The following PLOD1 variants were observed in gnomAD, a reference collection of about 807,000 sequenced individuals.
PLOD1 encodes lysine hydroxylase.
A neutral mutation model predicts 94.7 loss-of-function variants in PLOD1; 70 were observed. That is an observed-to-expected ratio of 0.74 (90% CI 0.61 to 0.90). PLOD1 has a LOEUF of 0.90. PLOD1 is among the 40% of genes least tolerant of loss of function. The pLI is 0.00. For synonymous variants in PLOD1, 417 were observed against 400.2 expected, an observed-to-expected ratio of 1.04 and a Z score of -0.50; for missense variants, 905 against 972.7, an observed-to-expected ratio of 0.93 and a Z score of 0.93.
intron 1 of PLOD1, among the ~76,000 whole-genome samples, chr1:11,945,201 G>T (rs1334110575): frequency 6.6e-6 from 1 of 152,114 alleles, no homozygotes; most frequent in Non-Finnish European, 1.5e-5. Flanking sequence ...GCGCAGATTG[G>T]TTGAGGCTGG....
At chr1:11,938,503 CAGG>C (rs1423567099) in intron 1 of PLOD1, among the ~76,000 whole-genome samples, 3 of 152,158 alleles carry the variant, frequency 2.0e-5, no homozygotes, top group East Asian at 1.9e-4. Context: ...GCCAGCTGGA[CAGG>C]AGGACAGAGT....
intron 12 of PLOD1, 53 bp downstream of exon 12, chr1:11,964,353 C>T: frequency 1.3e-6 from 2 of 1,569,326 alleles, no homozygotes; most frequent in Non-Finnish European, 1.7e-6. Flanking sequence ...CTGGCTTCTG[C>T]CTGGGCTTGT....
chr1:11,968,787 A>AT (rs1277166052), intron 16 of PLOD1, among the ~76,000 whole-genome samples: 1 of 147,064 alleles, frequency 6.8e-6, no homozygotes. Context: ...AAGTGGTGGG[A>AT]TTACAGGCAT....
At chr1:11,940,211 C>T (rs1645606644) in intron 1 of PLOD1, among the ~76,000 whole-genome samples, 1 of 152,152 alleles carries the variant, frequency 6.6e-6, no homozygotes, top group African/African-American at 2.4e-5. Flanking sequence ...TTTGTAGAGA[C>T]AGGGTCTCAC....
intron 11 of PLOD1, 40 bp from the exon 12 acceptor site, chr1:11,964,135 G>C: frequency 2.5e-6 from 4 of 1,610,810 alleles, no homozygotes; most frequent in Non-Finnish European, 3.4e-6. Context: ...CCTACTCCCA[G>C]TGGGCAGCGA....
intron 1 of PLOD1, among the ~76,000 whole-genome samples, chr1:11,942,427 C>G (rs1247565255): frequency 6.6e-6 from 1 of 152,138 alleles, no homozygotes. Context: ...CAGGTTTGTA[C>G]CAATACGTCA....
At position 11,963,143 on chromosome 1, in the gene PLOD1, C is replaced by T. The variant is rs1373119738; in HGVS notation, c.1098-389C>T. Among the ~76,000 whole-genome samples the T allele has an allele frequency of 6.6e-6, 1 of 152,206 alleles. No individual in the cohort carries two copies. The highest frequency in any genetic ancestry group is 2.4e-5 in the African/African-American group (1 of 41,438). On this transcript the variant is annotated intron_variant, in intron 10 of 18. Coordinates refer to ENST00000196061, the MANE Select transcript of PLOD1 (RefSeq NM_000302.4). The surrounding 1 kb of genome is among the most constrained non-coding windows in gnomAD (Gnocchi z 4.3). ...GCAGGGCCAGAGTTTGACTCACAGA[C>T]CCTCGTTTGCTGAGTCCTGTACCAG...
chr1:11,975,127 T>C lies in PLOD1; in HGVS notation c.*319T>C. 2.4e-6 allele frequency: 1 copy of C among 425,174 alleles called. No individual in the cohort carries two copies. Among genetic ancestry groups the C allele is most frequent in the East Asian group, 5.2e-5 (1 of 19,350 alleles). The allele number at this position is 425,174 out of a possible 1,614,324, so 26.3% of individuals were successfully genotyped here. On this transcript the variant is annotated 3_prime_UTR_variant, in exon 19 of 19. Coordinates refer to ENST00000196061, the MANE Select transcript of PLOD1 (RefSeq NM_000302.4). ...AGGCCCCCTTCCCCCACCTCTTCCATGGGGTGAGACTTGAGCAGAACAGGG... is the reference window on the plus strand; with the variant it reads ...AGGCCCCCTTCCCCCACCTCTTCCACGGGGTGAGACTTGAGCAGAACAGGG...
At chr1:11,949,527 C>G (rs1297328737) in intron 2 of PLOD1, among the ~76,000 whole-genome samples, 1 of 152,164 alleles carries the variant, frequency 6.6e-6, no homozygotes, top group Non-Finnish European at 1.5e-5. Context: ...TCAAGCAATT[C>G]TCCTACTTTA....
Position 11,957,043 on chromosome 1 carries a change from T to A in PLOD1, c.741+29T>A. ...GGGGGTCCCCAGCCCCTGGGGAGTGTGGGAGGGGGCCAGAGCCCTAATTTC... is the reference window on the plus strand; with the variant it reads ...GGGGGTCCCCAGCCCCTGGGGAGTGAGGGAGGGGGCCAGAGCCCTAATTTC... On this transcript the variant is annotated intron_variant, in intron 7 of 18. Transcript: ENST00000196061. The surrounding 1 kb of genome is among the most constrained non-coding windows in gnomAD (Gnocchi z 4.1). The A allele has an allele frequency of 7.1e-7, 1 of 1,408,324 alleles. No individual in the cohort carries two copies. The highest frequency in any genetic ancestry group is 1.0e-6 in the Non-Finnish European group (1 of 992,236). The allele number at this position is 1,408,324 out of a possible 1,614,324, so 87.2% of individuals were successfully genotyped here.
chr1:11,957,789 C>A lies in PLOD1; in HGVS notation c.742-53C>A. The A allele has an allele frequency of 8.2e-7, 1 of 1,220,750 alleles. No homozygotes were observed. Among genetic ancestry groups the A allele is most frequent in the Non-Finnish European group, 1.2e-6 (1 of 820,790 alleles). The allele number at this position is 1,220,750 out of a possible 1,614,324, so 75.6% of individuals were successfully genotyped here. ...GGGCCCAGGGAGATGTGAGTCAGGG[C>A]TATGGCAGGTGGGGCTGGCTGGCTT... On this transcript the variant is annotated intron_variant, in intron 7 of 18. Transcript: ENST00000196061. The surrounding 1 kb of genome is among the most constrained non-coding windows in gnomAD (Gnocchi z 4.1).
chr1:11,944,460 C>G (rs1024554153), intron 1 of PLOD1: 1 of 1,160,652 alleles, frequency 8.6e-7, no homozygotes, highest in Non-Finnish European at 1.2e-6. Context: ...CACACTCACT[C>G]ACATGCTCTC....
Position 11,952,656 on chromosome 1 carries a change from T to C in PLOD1, c.500T>C (p.Leu167Pro). ...FIGYAPNLSK[L>P]VAEWEGQDSD... ...GGTTATGCCCCCAACCTCAGCAAAC[T>C]GGTGGCCGAGTGGGAGGGCCAGGAC... The change falls in exon 5 of 19, where the codon CTG becomes CCG. Residue 167 changes from leucine (L) to proline (P), a missense_variant. Physicochemically the swap from Leu to Pro is moderately conservative, Grantham distance 98. Coordinates refer to ENST00000196061, the MANE Select transcript of PLOD1 (RefSeq NM_000302.4). The C allele has an allele frequency of 6.2e-7, 1 of 1,613,992 alleles. No homozygotes were observed. The highest frequency in any genetic ancestry group is 2.2e-5 in the East Asian group (1 of 44,878).
intron 4 of PLOD1, among the ~76,000 whole-genome samples, chr1:11,952,059 C>A (rs1645706906): frequency 6.6e-6 from 1 of 152,244 alleles, no homozygotes; most frequent in Non-Finnish European, 1.5e-5. Context: ...CTTTTTTCCA[C>A]TGGTCCAGAG....
chr1:11,967,944 T>G (rs942603506), intron 16 of PLOD1, among the ~76,000 whole-genome samples: 1 of 150,176 alleles, frequency 6.7e-6, no homozygotes, highest in Non-Finnish European at 1.5e-5. Flanking sequence ...TATTTAATTG[T>G]GTGTGTGTAA....
At chr1:11,943,374 G>A (rs1645628123) in intron 1 of PLOD1, among the ~76,000 whole-genome samples, 1 of 150,438 alleles carries the variant, frequency 6.6e-6, no homozygotes, top group African/African-American at 2.5e-5. Context: ...TCTGCTCACT[G>A]CAGCCGCCAC....
Position 11,972,726 on chromosome 1 carries a change from C to T in PLOD1, c.1903-146C>T. 1 of 805,238 alleles carries T rather than the reference C, an allele frequency of 1.2e-6. No homozygotes were observed. Among genetic ancestry groups the T allele is most frequent in the Non-Finnish European group, 2.2e-6 (1 of 464,672 alleles). The allele number at this position is 805,238 out of a possible 1,614,324, so 49.9% of individuals were successfully genotyped here. On this transcript the variant is annotated intron_variant, in intron 17 of 18. Coordinates refer to ENST00000196061, the MANE Select transcript of PLOD1 (RefSeq NM_000302.4). The surrounding 1 kb of genome is among the most constrained non-coding windows in gnomAD (Gnocchi z 4.6). ...TTTCTGTGCCAGGTAGTTGCAGGCA[C>T]TCGAGCATAGAGCCCCATGTAGACC...
rs1488957141 is a variant in PLOD1 at position 11,954,824 on chromosome 1, C to T, written c.580-6C>T. On this transcript the variant is annotated splice_region_variant and splice_polypyrimidine_tract_variant and intron_variant, in intron 5 of 18. Coordinates refer to ENST00000196061, the MANE Select transcript of PLOD1 (RefSeq NM_000302.4). Reference sequence around the variant, plus strand: ...CTGCTGCAGTCTGGTACCTTCTTTCCTGCAGGAGCAGATCAATATCACCCT... The same window carrying T: ...CTGCTGCAGTCTGGTACCTTCTTTCTTGCAGGAGCAGATCAATATCACCCT... The T allele has an allele frequency of 6.2e-7, 1 of 1,611,790 alleles. No homozygotes were observed. Among genetic ancestry groups the T allele is most frequent in the South Asian group, 1.1e-5 (1 of 91,042 alleles).
At chr1:11,967,383 T>C (rs2100761164) in intron 16 of PLOD1, among the ~76,000 whole-genome samples, 1 of 151,564 alleles carries the variant, frequency 6.6e-6, no homozygotes, top group East Asian at 2.0e-4. Flanking sequence ...CTTGGTTCCC[T>C]AGACTTCCCC....
Sources: allele counts gnomAD v4.1 joint callset (sites outside exome capture counted in the v4.1 genomes callset), GRCh38; gene constraint gnomAD v4.1.1; non-coding constraint Gnocchi (gnomAD v3.1); transcripts MANE v1.5; gene names NCBI Gene and HGNC (gene_info 2026-07-23, HGNC 2026-07-21).